The following SLC39A14 variants were observed in gnomAD, a reference collection of about 807,000 sequenced individuals.
SLC39A14 encodes the protein metal cation symporter ZIP14.
A neutral mutation model predicts 45.5 loss-of-function variants in SLC39A14; 19 were observed. The ratio of observed to expected loss-of-function variants is 0.42; its 90% confidence interval spans 0.29 to 0.61. The LOEUF (loss-of-function observed/expected upper bound fraction) is 0.61, where lower values mean the gene tolerates loss of function less well. Ranked by LOEUF, SLC39A14 falls within the 20% of genes least tolerant of loss-of-function variation. The pLI is 0.22. For missense variants in SLC39A14, 447 were observed against 616.5 expected (o/e 0.73, Z 2.91); for synonymous variants, 264 against 251.3 (o/e 1.05, Z -0.48).
chr8:22,432,976 T>C (rs917212397), intron 8 of SLC39A14, among the ~76,000 whole-genome samples: 1 of 151,720 alleles, frequency 6.6e-6, no homozygotes. Flanking sequence ...TTAAAAAAAA[T>C]TTTTGGTAAA....
chr8:22,388,297 A>G (rs181633235), intron 1 of SLC39A14, among the ~76,000 whole-genome samples: 13 of 152,250 alleles, frequency 8.5e-5, no homozygotes, highest in Admixed American at 8.5e-4. Flanking sequence ...CACCTTGTGG[A>G]GAGAGTGCAT....
At chr8:22,417,014 G>T (rs896591220) in intron 7 of SLC39A14, among the ~76,000 whole-genome samples, 2 of 152,190 alleles carry the variant, frequency 1.3e-5, no homozygotes, top group Admixed American at 6.5e-5. Context: ...GTGCATGGCA[G>T]CTGGATGAAC....
chr8:22,429,393 T>A (rs1406935010), intron 8 of SLC39A14, among the ~76,000 whole-genome samples: 3 of 152,222 alleles, frequency 2.0e-5, no homozygotes, highest in Non-Finnish European at 4.4e-5. Flanking sequence ...ACCTCAATAT[T>A]TTTATGAAGT....
Position 22,387,399 on chromosome 8 carries a change from G to A in SLC39A14, c.-15-17297G>A, listed in dbSNP as rs189098708. Among the ~76,000 whole-genome samples, 737 of 152,246 alleles carry A rather than the reference G, an allele frequency of 4.8e-3. 4 individuals are homozygous for A. The highest frequency in any genetic ancestry group is 7.7e-3 in the Non-Finnish European group (522 of 68,020). On this transcript the variant is annotated intron_variant, in intron 1 of 8. Transcript: ENST00000381237. Reference sequence around the variant, plus strand: ...AAAGCAGAAACGCTTTGTGGCAATCGATTGCTCCCTGGGGTTGGTGTTAGC... The same window carrying A: ...AAAGCAGAAACGCTTTGTGGCAATCAATTGCTCCCTGGGGTTGGTGTTAGC...
chr8:22,379,209 G>T (rs1833368840), intron 1 of SLC39A14, among the ~76,000 whole-genome samples: 1 of 152,118 alleles, frequency 6.6e-6, no homozygotes, highest in Non-Finnish European at 1.5e-5. Flanking sequence ...TGGATTTAGG[G>T]CCCATCGTAA....
At chr8:22,394,382 T>C (rs1239805720) in intron 1 of SLC39A14, among the ~76,000 whole-genome samples, 2 of 150,196 alleles carry the variant, frequency 1.3e-5, no homozygotes, top group Non-Finnish European at 3.0e-5. Context: ...TGGAGTGCAG[T>C]GATCTCGGCT....
rs1260347520 is a variant in SLC39A14 at position 22,421,607 on chromosome 8, T to C, written c.*1909T>C. 1 of 985,716 alleles carries C rather than the reference T, an allele frequency of 1.0e-6. No individual in the cohort carries two copies. The highest frequency in any genetic ancestry group is 1.2e-6 in the Non-Finnish European group (1 of 829,900). The allele number at this position is 985,716 out of a possible 1,614,324, so 61.1% of individuals were successfully genotyped here. A position where few individuals can be genotyped will look rare whatever the true frequency, so the allele number is the denominator to read the frequency against. The stretch of plus-strand genomic sequence containing the variant: ...TAAACGGTTCTTTGTCTTTTCTGTT[T>C]TATTTTTCTCAAGCTGCTTTCAGGA... On this transcript the variant is annotated 3_prime_UTR_variant, in exon 9 of 9. Transcript: ENST00000381237.
At chr8:22,403,914 A>AG (rs1445827936) in intron 1 of SLC39A14, among the ~76,000 whole-genome samples, 1 of 111,028 alleles carries the variant, frequency 9.0e-6, no homozygotes, top group African/African-American at 3.6e-5. Flanking sequence ...AGACTGTCTC[A>AG]AAAACAAACA....
intron 3 of SLC39A14, chr8:22,410,253 C>T: frequency 2.3e-6 from 2 of 855,994 alleles, no homozygotes; most frequent in East Asian, 2.6e-5. Flanking sequence ...GTATCAAAGC[C>T]ACAAACGACT....
intron 1 of SLC39A14, among the ~76,000 whole-genome samples, chr8:22,368,551 A>C (rs1465824365): frequency 8.5e-6 from 1 of 117,914 alleles, no homozygotes; most frequent in Non-Finnish European, 1.8e-5. Context: ...ATTTTATTTT[A>C]TTTGAGACGG....
chr8:22,379,703 G>A (rs1315498769), intron 1 of SLC39A14, among the ~76,000 whole-genome samples: 1 of 152,112 alleles, frequency 6.6e-6, no homozygotes, highest in Non-Finnish European at 1.5e-5. Flanking sequence ...GGCCGAGGCG[G>A]GTGGATCACG....
chr8:22,433,083 C>A (rs1487380478), intron 8 of SLC39A14, among the ~76,000 whole-genome samples: 2 of 151,664 alleles, frequency 1.3e-5, no homozygotes, highest in African/African-American at 4.8e-5. Context: ...GGATTACAGT[C>A]ATGAGCCTCT....
At chr8:22,371,199 G>A (rs1832909299) in intron 1 of SLC39A14, among the ~76,000 whole-genome samples, 1 of 151,988 alleles carries the variant, frequency 6.6e-6, no homozygotes, top group African/African-American at 2.4e-5. Context: ...CGAATTCTCC[G>A]CCTTGGCAAC....
At chr8:22,381,335 G>A (rs1025260561) in intron 1 of SLC39A14, among the ~76,000 whole-genome samples, 24 of 149,344 alleles carry the variant, frequency 1.6e-4, no homozygotes, top group Non-Finnish European at 3.6e-4. Flanking sequence ...AGTGCGGTGG[G>A]GCTAGGCTCA....
Position 22,421,474 on chromosome 8 carries a change from A to C in SLC39A14, c.*1776A>C. 1.0e-6 allele frequency: 1 copy of C among 980,078 alleles called. No homozygotes were observed. The allele number at this position is 980,078 out of a possible 1,614,324, so 60.7% of individuals were successfully genotyped here. A position where few individuals can be genotyped will look rare whatever the true frequency, so the allele number is the denominator to read the frequency against. ...TTTCAGTGATGGAGATTCTAGATTA[A>C]ATATCAGGACTGATTTCCTGGTGGG... On this transcript the variant is annotated 3_prime_UTR_variant, in exon 9 of 9. Coordinates refer to ENST00000381237, the MANE Select transcript of SLC39A14 (RefSeq NM_001128431.4).
At chr8:22,423,786 T>TTCTTTCTCTC (rs1836331187), downstream of SLC39A14, among the ~76,000 whole-genome samples, 1 of 122,168 alleles carries the variant, frequency 8.2e-6, no homozygotes, top group African/African-American at 2.9e-5. Context: ...TTTAATTGGT[T>TTCTTTCTCTC]TCTCTCTCTC....
intron 1 of SLC39A14, among the ~76,000 whole-genome samples, chr8:22,385,184 G>C (rs756838890): frequency 2.7e-4 from 41 of 152,282 alleles, no homozygotes; most frequent in Non-Finnish European, 5.3e-4. Flanking sequence ...CTGCAGGAGA[G>C]GGGGGTCCCT....
chr8:22,402,617 A>G (rs1382306888), intron 1 of SLC39A14, among the ~76,000 whole-genome samples: 2 of 151,360 alleles, frequency 1.3e-5, no homozygotes, highest in Non-Finnish European at 2.9e-5. Flanking sequence ...TAAAAATACA[A>G]AATTAGCCGG....
intron 1 of SLC39A14, among the ~76,000 whole-genome samples, chr8:22,380,435 A>T (rs1833444020): frequency 6.6e-6 from 1 of 152,172 alleles, no homozygotes; most frequent in Admixed American, 6.5e-5. Flanking sequence ...AAAGAGGCTG[A>T]TCCATCAGCA....
Sources: allele counts gnomAD v4.1 joint callset (sites outside exome capture counted in the v4.1 genomes callset), GRCh38; gene constraint gnomAD v4.1.1; transcripts MANE v1.5; gene names NCBI Gene and HGNC (gene_info 2026-07-23, HGNC 2026-07-21).